Variants in ZFR observed in about 807,000 individuals in gnomAD.
The protein encoded by ZFR is zinc finger RNA-binding protein.
In ZFR, 19 loss-of-function variants were observed where a neutral mutation model predicts 130.7. The ratio of observed to expected loss-of-function variants is 0.15; its 90% CI spans 0.10 to 0.21. ZFR has a LOEUF of 0.21. Ranked by LOEUF, ZFR falls within the 10% of genes least tolerant of loss-of-function variation. ZFR has a pLI of 1.00. For synonymous variants in ZFR, 466 were observed against 456.9 expected (o/e 1.02, Z -0.25); for missense variants, 872 against 1,321.5 (o/e 0.66, Z 5.27).
intron 9 of ZFR, among the ~76,000 whole-genome samples, 200 bp from the exon 10 acceptor site, chr5:32,397,538 C>G (rs1290033724): frequency 3.3e-5 from 5 of 152,174 alleles, no homozygotes; most frequent in African/African-American, 1.2e-4. Flanking sequence ...ACTACAACCT[C>G]AGCCTCCTGG....
chr5:32,391,218 A>G lies in ZFR; in HGVS notation c.1980-781T>C, dbSNP rs1024891867. On this transcript the variant is annotated intron_variant, in intron 11 of 19. Transcript: ENST00000265069. ...ATGTCCACACAGTATACACCCTACT[A>G]GCCTATTAGTTGCTTAGTAACTAAC... Among the ~76,000 whole-genome samples the G allele has an allele frequency of 3.3e-5, 5 of 152,346 alleles. No individual in the cohort carries two copies. The East Asian group carries it at 9.6e-4, about 29-fold the overall frequency.
At chr5:32,408,437 T>G (rs1036913328) in intron 5 of ZFR, among the ~76,000 whole-genome samples, 1 of 152,178 alleles carries the variant, frequency 6.6e-6, no homozygotes, top group Non-Finnish European at 1.5e-5. Flanking sequence ...TCTGTGGCAT[T>G]TGTATAGTTT....
chr5:32,412,666 T>C (rs528451490), intron 5 of ZFR, among the ~76,000 whole-genome samples: 1 of 152,346 alleles, frequency 6.6e-6, no homozygotes, highest in African/African-American at 2.4e-5. Flanking sequence ...AGAATGTCCT[T>C]ATTCTTGGGA....
intron 2 of ZFR, among the ~76,000 whole-genome samples, chr5:32,423,585 A>C (rs1423530785): frequency 6.6e-6 from 1 of 152,110 alleles, no homozygotes; most frequent in Non-Finnish European, 1.5e-5. Context: ...AATACAAAAG[A>C]AAGGATAAGT....
intron 9 of ZFR, among the ~76,000 whole-genome samples, chr5:32,397,849 C>CTTTTTTTTTTTTTTTTT (rs70961626): frequency 1.0e-4 from 7 of 66,868 alleles, no homozygotes; most frequent in African/African-American, 4.4e-4. Flanking sequence ...GCTCTTGTAT[C>CTTTTTTTTTTTTTTTTT]TTTTTTTTTT....
intron 5 of ZFR, among the ~76,000 whole-genome samples, chr5:32,407,835 T>A (rs552618328): frequency 6.6e-6 from 1 of 152,310 alleles, no homozygotes; most frequent in East Asian, 1.9e-4. Context: ...ATATACATGT[T>A]GCTTATGTTC....
intron 17 of ZFR, among the ~76,000 whole-genome samples, chr5:32,367,511 C>T (rs1752574457): frequency 6.6e-6 from 1 of 152,036 alleles, no homozygotes; most frequent in Admixed American, 6.6e-5. Context: ...GCCTTGACCT[C>T]CCAGGCTCAA....
At chr5:32,409,830 C>T (rs1335047163) in intron 5 of ZFR, among the ~76,000 whole-genome samples, 6 of 152,110 alleles carry the variant, frequency 3.9e-5, no homozygotes, top group African/African-American at 9.7e-5. Context: ...TTTAAATTTG[C>T]CCAATGGGAT....
intron 2 of ZFR, among the ~76,000 whole-genome samples, chr5:32,441,648 T>C (rs1223192593): frequency 6.6e-6 from 1 of 152,244 alleles, no homozygotes; most frequent in African/African-American, 2.4e-5. Context: ...AGTTCCATTA[T>C]AATTATTTCC....
chr5:32,398,929 T>C (rs1020733428), intron 9 of ZFR, among the ~76,000 whole-genome samples: 1 of 151,786 alleles, frequency 6.6e-6, no homozygotes, highest in Non-Finnish European at 1.5e-5. Context: ...TGCCTGGCCA[T>C]CCATAGATAA....
At chr5:32,413,536 CAT>C (rs1753756332) in intron 5 of ZFR, among the ~76,000 whole-genome samples, 1 of 151,514 alleles carries the variant, frequency 6.6e-6, no homozygotes, top group South Asian at 2.1e-4. Context: ...ATATATTACT[CAT>C]GTAAATAAAA....
chr5:32,395,182 CTCT>C lies in ZFR; in HGVS notation c.1953_1955del (p.Glu653del), dbSNP rs755131671. 25 of 1,603,896 alleles carry C rather than the reference CTCT, an allele frequency of 1.6e-5. No individual in the cohort carries two copies. The Admixed American group carries it at 4.0e-4, about 25-fold the overall frequency. ...ACCTCATTTCCATTCTCCAACGCTC[CTCT>C]TCTTCTCGTCTTCGCCAGTACTCCT... On this transcript the variant is annotated inframe_deletion, in exon 11 of 20. Coordinates refer to ENST00000265069, the MANE Select transcript of ZFR (RefSeq NM_016107.5).
chr5:32,403,652 A>G (rs1165801890), intron 7 of ZFR, among the ~76,000 whole-genome samples: 1 of 152,246 alleles, frequency 6.6e-6, no homozygotes, highest in Non-Finnish European at 1.5e-5. Flanking sequence ...ACTTGGCTAC[A>G]TTAAAAATGA....
intron 5 of ZFR, among the ~76,000 whole-genome samples, chr5:32,412,851 A>G (rs754770444): frequency 6.6e-6 from 1 of 152,210 alleles, no homozygotes; most frequent in Non-Finnish European, 1.5e-5. Context: ...GGCATAAAAA[A>G]TAGTTCTTGG....
rs373561903 is a variant in ZFR at position 32,410,545 on chromosome 5, T to C, written c.785-3524A>G. Among the ~76,000 whole-genome samples, 65 of 151,966 alleles carry C rather than the reference T, an allele frequency of 4.3e-4. 1 individual carries two copies. In the Middle Eastern group the frequency reaches 0.01, roughly 24 times the overall value. ...GTGGGAGGATCTCTTGAGGTGGAGG[T>C]TGCAGTGAGCTGAGATGGTGCCACT... On this transcript the variant is annotated intron_variant, in intron 5 of 19. Coordinates refer to ENST00000265069, the MANE Select transcript of ZFR (RefSeq NM_016107.5).
intron 15 of ZFR, among the ~76,000 whole-genome samples, chr5:32,381,452 T>C (rs1752935482): frequency 1.3e-5 from 2 of 152,080 alleles, no homozygotes; most frequent in Admixed American, 1.3e-4. Context: ...ATATAATCTA[T>C]TAAATATAAT....
Position 32,380,171 on chromosome 5 carries a change from A to T in ZFR, c.2643T>A (p.Asp881Glu), listed in dbSNP as rs777373458. 1 of 1,613,514 alleles carries T rather than the reference A, an allele frequency of 6.2e-7. No individual in the cohort carries two copies. Among genetic ancestry groups the T allele is most frequent in the Non-Finnish European group, 8.5e-7 (1 of 1,179,462 alleles). Residue 881 changes from aspartate (D) to glutamate (E), a missense_variant and splice_region_variant, in exon 16 of 20, where the codon GAT (aspartate) becomes GAA (glutamate). Physicochemically the swap from Asp to Glu is conservative, Grantham distance 45. Transcript: ENST00000265069. ...GGTCTTTCACCATACCCGAGGTTAC[A>T]TCTAAAATGGATTGAATTGGCAAAA... ...IIREENMREG[D>E]VTSGMVKDPP...
chr5:32,380,108 A>G lies in ZFR; in HGVS notation c.2706T>C (p.Ala902=). The G allele has an allele frequency of 6.2e-7, 1 of 1,614,106 alleles. No individual in the cohort carries two copies. The change falls in exon 16 of 20, where the codon GCT becomes GCC. Residue 902 remains alanine, a synonymous_variant. Transcript: ENST00000265069. ...ACTTAGCGTGGCGTAGAGCAGCCAG[A>G]GCGTCAAGGCATTTTTGCCTGTCCA... ...DVLDRQKCLD[A]LAALRHAKWF...
At chr5:32,424,282 G>T (rs1754019339) in intron 2 of ZFR, among the ~76,000 whole-genome samples, 1 of 152,188 alleles carries the variant, frequency 6.6e-6, no homozygotes, top group Admixed American at 6.5e-5. Context: ...GGTGGCTCAC[G>T]CCTGTAATCC....
Sources: allele counts gnomAD v4.1 joint callset (sites outside exome capture counted in the v4.1 genomes callset), GRCh38; gene constraint gnomAD v4.1.1; transcripts MANE v1.5; gene names NCBI Gene and HGNC (gene_info 2026-07-23, HGNC 2026-07-21).